Variants in TRAF2 observed in about 807,000 individuals in gnomAD.
TRAF2 encodes TNF receptor associated factor 2.
In TRAF2, 6 loss-of-function variants were observed where a neutral mutation model predicts 55.6. That is an observed-to-expected ratio of 0.11 (90% CI 0.06 to 0.21). The LOEUF is 0.21. TRAF2 is among the 10% of genes least tolerant of loss of function. The pLI is 1.00. For missense variants in TRAF2, 561 were observed against 684.5 expected, an observed-to-expected ratio of 0.82 and a Z score of 2.01; for synonymous variants, 329 against 276.3, an observed-to-expected ratio of 1.19 and a Z score of -1.89.
At chr9:136,897,731 G>A (rs1340766198) in intron 1 of TRAF2, among the ~76,000 whole-genome samples, 1 of 142,474 alleles carries the variant, frequency 7.0e-6, no homozygotes, top group Admixed American at 7.0e-5. Context: ...CTACGTTCCC[G>A]CTCTCAGGGC....
intron 6 of TRAF2, among the ~76,000 whole-genome samples, chr9:136,913,591 C>A (rs1363847943): frequency 2.0e-5 from 3 of 152,044 alleles, no homozygotes; most frequent in African/African-American, 7.2e-5. Context: ...GCCACCGTGC[C>A]CGGCTACATA....
chr9:136,906,766 C>T (rs1245919606), intron 4 of TRAF2, among the ~76,000 whole-genome samples: 1 of 152,260 alleles, frequency 6.6e-6, no homozygotes, highest in Non-Finnish European at 1.5e-5. Flanking sequence ...CTTGACTTCT[C>T]TGTGTTCCTG....
intron 1 of TRAF2, among the ~76,000 whole-genome samples, chr9:136,889,210 G>GT (rs1174159811): frequency 3.4e-5 from 5 of 146,906 alleles, no homozygotes; most frequent in South Asian, 4.3e-4. Flanking sequence ...TGTTTGTGTG[G>GT]TTTTTTCTGT....
At chr9:136,903,205 C>T (rs900327133) in intron 4 of TRAF2, among the ~76,000 whole-genome samples, 4 of 152,202 alleles carry the variant, frequency 2.6e-5, no homozygotes, top group Non-Finnish European at 5.9e-5. Context: ...TCCACCTTGG[C>T]CTCCCAAAGT....
intron 6 of TRAF2, among the ~76,000 whole-genome samples, chr9:136,911,227 G>C (rs1328152173): frequency 6.6e-6 from 1 of 151,990 alleles, no homozygotes; most frequent in African/African-American, 2.4e-5. Flanking sequence ...TGAACACGGG[G>C]CTTTCTCTGT....
intron 6 of TRAF2, among the ~76,000 whole-genome samples, chr9:136,913,028 T>G (rs1266439160): frequency 6.6e-6 from 1 of 152,030 alleles, no homozygotes; most frequent in Non-Finnish European, 1.5e-5. Flanking sequence ...TCCCAGCTAC[T>G]TGGGAAGCTG....
chr9:136,905,259 C>G (rs1346119416), intron 4 of TRAF2, among the ~76,000 whole-genome samples: 3 of 152,228 alleles, frequency 2.0e-5, no homozygotes, highest in Non-Finnish European at 2.9e-5. Flanking sequence ...GCACATTGTC[C>G]TCCTCTCTCC....
At chr9:136,908,049 G>A (rs771889266) in intron 4 of TRAF2, 21 bp from the exon 5 acceptor site, 13 of 1,592,104 alleles carry the variant, frequency 8.2e-6, no homozygotes, top group Middle Eastern at 1.7e-4. Flanking sequence ...TTCTACTGAC[G>A]CTTCCTCCTT....
At chr9:136,910,345 G>A (rs1191293340) in intron 6 of TRAF2, among the ~76,000 whole-genome samples, 1 of 152,200 alleles carries the variant, frequency 6.6e-6, no homozygotes, top group Non-Finnish European at 1.5e-5. Flanking sequence ...GAAGCTGAAT[G>A]TTTGCAGCAA....
At chr9:136,888,966 C>T (rs1319995117) in intron 1 of TRAF2, among the ~76,000 whole-genome samples, 4 of 151,600 alleles carry the variant, frequency 2.6e-5, no homozygotes, top group South Asian at 2.1e-4. Context: ...CCTGGGTTCA[C>T]GCTATTCTTC....
At chr9:136,886,583 GCGGGGTCGGGTGCGGGGT>G in intron 1 of TRAF2, 42 bp downstream of exon 1, 2 of 979,540 alleles carry the variant, frequency 2.0e-6, no homozygotes, top group Non-Finnish European at 1.2e-6. Context: ...GGGCGCGGGC[GCGGGGTCGGGTGCGGGGT>G]CGGGCGCGGG....
At chr9:136,914,716 A>C (rs1376465910) in intron 6 of TRAF2, among the ~76,000 whole-genome samples, 1 of 152,154 alleles carries the variant, frequency 6.6e-6, no homozygotes, top group Non-Finnish European at 1.5e-5. Flanking sequence ...GATCCATGGC[A>C]AATTATGTGA....
rs566833715 is a variant in TRAF2 at position 136,905,269 on chromosome 9, C to T, written c.367-2801C>T. Among the ~76,000 whole-genome samples the T allele has an allele frequency of 5.9e-5, 9 of 152,338 alleles. No individual in the cohort carries two copies. In the South Asian group the frequency reaches 1.0e-3, roughly 18 times the overall value. On this transcript the variant is annotated intron_variant, in intron 4 of 10. Transcript: ENST00000247668. ...TCTCAGCACATTGTCCTCCTCTCTC[C>T]GGGTTGTGCCCATCGGTACAGAATA... is the stretch of plus-strand genomic sequence containing the variant.
chr9:136,923,373 G>C (rs1803900846), intron 9 of TRAF2, among the ~76,000 whole-genome samples: 1 of 152,182 alleles, frequency 6.6e-6, no homozygotes. Context: ...CACTTTGTGA[G>C]GCCAACACGT....
intron 8 of TRAF2, among the ~76,000 whole-genome samples, chr9:136,920,752 C>T (rs1850365528): frequency 6.6e-6 from 1 of 152,214 alleles, no homozygotes; most frequent in South Asian, 2.1e-4. Context: ...TGGGCAGGAG[C>T]CTCTTCTCTC....
chr9:136,901,254 A>C (rs1420389282), intron 4 of TRAF2, among the ~76,000 whole-genome samples: 1 of 152,214 alleles, frequency 6.6e-6, no homozygotes, highest in Non-Finnish European at 1.5e-5. Flanking sequence ...CAAGTTATGC[A>C]GTCTTCCTTC....
chr9:136,899,851 C>G (rs961864080), intron 3 of TRAF2, among the ~76,000 whole-genome samples, 179 bp downstream of exon 3: 22 of 151,876 alleles, frequency 1.4e-4, no homozygotes, highest in African/African-American at 5.3e-4. Flanking sequence ...ATAGTGAGAC[C>G]CTGTCTCTAC....
In TRAF2 at chr9:136,920,260, C is replaced by T. The variant is rs753915703; in HGVS notation, c.705C>T (p.His235=). The change falls in exon 8 of 11, where the codon CAC becomes CAT. Residue 235 remains histidine, a synonymous_variant. Transcript: ENST00000247668. ...TAGAGGGTGAGAAACAGCAGGAGCA[C>T]GAGGTGCAGTGGCTGCGGGAGCACC... ...ETVEGEKQQE[H]EVQWLREHLA... is the part of the protein sequence containing the mutation. 5 of 1,612,328 alleles carry T rather than the reference C, an allele frequency of 3.1e-6. No homozygotes were observed. The highest frequency in any genetic ancestry group is 2.7e-5 in the African/African-American group (2 of 74,892).
upstream of TRAF2, among the ~76,000 whole-genome samples, chr9:136,884,737 T>G (rs1849414938): frequency 6.6e-6 from 1 of 152,212 alleles, no homozygotes; most frequent in African/African-American, 2.4e-5. Context: ...TTTTTTCCTT[T>G]TTTTGGTAGA....
Sources: gnomAD v4.1 joint callset for allele counts (sites outside exome capture counted in the v4.1 genomes callset) on GRCh38, gnomAD v4.1.1 for gene constraint, MANE v1.5 for transcripts, NCBI Gene and HGNC (gene_info 2026-07-23, HGNC 2026-07-21) for gene names.